DENND1A: variants seen among roughly 807,000 people sequenced by gnomAD.
The protein encoded by DENND1A is DENN domain containing 1A, also known as DENN domain-containing protein 1A.
DENND1A carries 51 observed loss-of-function variants against 113.7 expected under a neutral mutation model. That is an observed-to-expected ratio of 0.45 (90% confidence interval 0.36 to 0.57). The LOEUF (loss-of-function observed/expected upper bound fraction) is 0.57. Ranked by LOEUF, DENND1A falls within the 20% of genes least tolerant of loss-of-function variation. The pLI is 0.00. For synonymous variants in DENND1A, 565 were observed against 570.8 expected (o/e 0.99, Z 0.14); for missense variants, 1,258 against 1,395.9 (o/e 0.90, Z 1.57).
chr9:123,770,045 A>G (rs562758481), intron 3 of DENND1A, among the ~76,000 whole-genome samples: 2 of 152,352 alleles, frequency 1.3e-5, no homozygotes, highest in African/African-American at 4.8e-5. Flanking sequence ...TCGAAAGCCA[A>G]CTTGAAGATA....
intron 5 of DENND1A, among the ~76,000 whole-genome samples, chr9:123,690,827 T>G (rs1039940017): frequency 6.6e-6 from 1 of 152,218 alleles, no homozygotes; most frequent in Non-Finnish European, 1.5e-5. Flanking sequence ...TGAGTGAGCT[T>G]AGTAACTGTG....
intron 18 of DENND1A, among the ~76,000 whole-genome samples, chr9:123,449,157 A>C (rs917457153): frequency 6.6e-6 from 1 of 152,184 alleles, no homozygotes; most frequent in African/African-American, 2.4e-5. Context: ...TTTACTCATG[A>C]AATGGGAACA....
chr9:123,897,466 G>C (rs556598561), intron 1 of DENND1A, among the ~76,000 whole-genome samples: 7 of 152,300 alleles, frequency 4.6e-5, no homozygotes, highest in Non-Finnish European at 7.4e-5. Flanking sequence ...TAAGAGGATA[G>C]GGCAAACCCC....
At chr9:123,667,279 G>A (rs987156582) in intron 7 of DENND1A, among the ~76,000 whole-genome samples, 200 bp from the exon 8 acceptor site, 1 of 152,162 alleles carries the variant, frequency 6.6e-6, no homozygotes, top group South Asian at 2.1e-4. Context: ...TTGGTAGATG[G>A]AGTTCTTTTC....
chr9:123,610,777 A>G (rs994282470), intron 10 of DENND1A, among the ~76,000 whole-genome samples: 1 of 152,202 alleles, frequency 6.6e-6, no homozygotes, highest in African/African-American at 2.4e-5. Context: ...AGTTGGAGAA[A>G]CAAGGAGTGG....
At chr9:123,769,944 T>A (rs910878483) in intron 3 of DENND1A, among the ~76,000 whole-genome samples, 1 of 152,084 alleles carries the variant, frequency 6.6e-6, no homozygotes, top group African/African-American at 2.4e-5. Flanking sequence ...GGGCCGCTGT[T>A]GCTGGCACCG....
At chr9:123,578,526 T>C (rs1057027811) in intron 12 of DENND1A, among the ~76,000 whole-genome samples, 4 of 152,238 alleles carry the variant, frequency 2.6e-5, no homozygotes, top group Non-Finnish European at 4.4e-5. Context: ...ATTATAGGCA[T>C]GAGCCACCAT....
At chr9:123,793,601 T>C (rs2132074015) in intron 2 of DENND1A, among the ~76,000 whole-genome samples, 1 of 152,280 alleles carries the variant, frequency 6.6e-6, no homozygotes, top group South Asian at 2.1e-4. Flanking sequence ...GGTCACAATA[T>C]ATGCTACCCA....
At chr9:123,694,885 G>T (rs2065412368) in intron 5 of DENND1A, among the ~76,000 whole-genome samples, 1 of 152,188 alleles carries the variant, frequency 6.6e-6, no homozygotes, top group Non-Finnish European at 1.5e-5. Flanking sequence ...TATTGATCCT[G>T]GGTGTGTCTG....
chr9:123,782,874 G>T (rs1752157), intron 3 of DENND1A, among the ~76,000 whole-genome samples: 2,408 of 149,672 alleles, frequency 0.016, 76 homozygotes, highest in African/African-American at 0.058. Flanking sequence ...AGCTCCCCCC[G>T]CTCACATACA....
intron 13 of DENND1A, among the ~76,000 whole-genome samples, chr9:123,539,896 A>G (rs1046840717): frequency 6.6e-6 from 1 of 152,100 alleles, no homozygotes; most frequent in African/African-American, 2.4e-5. Context: ...AAAAAAAAAA[A>G]AAAAATTCAT....
At chr9:123,846,677 A>G (rs899004724) in intron 2 of DENND1A, among the ~76,000 whole-genome samples, 1 of 152,220 alleles carries the variant, frequency 6.6e-6, no homozygotes, top group Non-Finnish European at 1.5e-5. Context: ...AATAGGATAG[A>G]GGATACCAGA....
chr9:123,777,291 C>T (rs1002115746), intron 3 of DENND1A, among the ~76,000 whole-genome samples: 6 of 152,310 alleles, frequency 3.9e-5, no homozygotes, highest in African/African-American at 1.4e-4. Flanking sequence ...TGCCTCAGGG[C>T]CACGCTGCTT....
At chr9:123,536,185 T>C (rs1274568107) in intron 13 of DENND1A, among the ~76,000 whole-genome samples, 1 of 152,112 alleles carries the variant, frequency 6.6e-6, no homozygotes, top group Non-Finnish European at 1.5e-5. Flanking sequence ...CAAGTAGACC[T>C]CAAAACATTG....
At chr9:123,690,371 C>T (rs2065116058) in intron 5 of DENND1A, among the ~76,000 whole-genome samples, 2 of 152,046 alleles carry the variant, frequency 1.3e-5, no homozygotes, top group African/African-American at 4.8e-5. Context: ...AAAAAAGTTG[C>T]CTGTTAAGTA....
intron 12 of DENND1A, among the ~76,000 whole-genome samples, chr9:123,571,209 T>C (rs778993388): frequency 2.0e-5 from 3 of 152,198 alleles, no homozygotes; most frequent in Non-Finnish European, 4.4e-5. Flanking sequence ...ACATAAATCA[T>C]CTAAAAATCA....
intron 16 of DENND1A, among the ~76,000 whole-genome samples, chr9:123,454,271 G>C (rs1218465214): frequency 6.6e-6 from 1 of 152,192 alleles, no homozygotes; most frequent in East Asian, 1.9e-4. Context: ...GAATTCTTTA[G>C]AGACGTTGGA....
At chr9:123,462,535 G>C (rs1006686694) in intron 13 of DENND1A, among the ~76,000 whole-genome samples, 1 of 152,198 alleles carries the variant, frequency 6.6e-6, no homozygotes, top group South Asian at 2.1e-4. Context: ...GGTGGCTCAC[G>C]TCTGTAATCT....
rs954678508 is a variant in DENND1A, at chr9:123,550,168, G to A, written c.993+7402C>T. On this transcript the variant is annotated intron_variant, in intron 13 of 23. Transcript: ENST00000394215. ...CATGCAAAATCATGGGCTATAAGGT[G>A]GATGATACCAGTGTACCCACAGCTG... Among the ~76,000 whole-genome samples, 3 of 152,318 alleles carry A rather than the reference G, an allele frequency of 2.0e-5. No individual in the cohort carries two copies. In the East Asian group the frequency reaches 5.8e-4, roughly 29 times the overall value.
Sources: allele counts gnomAD v4.1 joint callset (sites outside exome capture counted in the v4.1 genomes callset), GRCh38; gene constraint gnomAD v4.1.1; transcripts MANE v1.5; gene names NCBI Gene and HGNC (gene_info 2026-07-23, HGNC 2026-07-21).